The following THEMIS variants were observed in gnomAD, a reference collection of about 807,000 sequenced individuals.
THEMIS encodes the protein protein THEMIS.
In THEMIS, 37 loss-of-function variants were observed where a neutral mutation model predicts 52.6. The observed-to-expected ratio is 0.70, with a 90% CI of 0.54 to 0.93. The LOEUF (loss-of-function observed/expected upper bound fraction) is 0.93, where lower values mean the gene tolerates loss of function less well. Ranked by LOEUF, THEMIS falls within the 40% of genes least tolerant of loss-of-function variation. The pLI, the probability that THEMIS is intolerant of heterozygous loss-of-function variation, is 0.00. For missense variants in THEMIS, 808 were observed against 763.1 expected, an observed-to-expected ratio of 1.06 and a Z score of -0.69; for synonymous variants, 292 against 272.7, an observed-to-expected ratio of 1.07 and a Z score of -0.70.
chr6:127,916,228 T>A (rs1244876722), intron 1 of THEMIS, among the ~76,000 whole-genome samples: 10 of 151,574 alleles, frequency 6.6e-5, no homozygotes, highest in Non-Finnish European at 1.5e-5. Context: ...AGGGAATGAG[T>A]TAGAAATAAT....
In THEMIS at chr6:127,744,435, A is replaced by G. The variant is rs183073363; in HGVS notation, c.1759-24612T>C. Among the ~76,000 whole-genome samples the G allele has an allele frequency of 7.3e-3, 1,107 of 152,184 alleles. 3 individuals are homozygous for G. The highest frequency in any genetic ancestry group is 0.01 in the Admixed American group (158 of 15,264). On this transcript the variant is annotated intron_variant, in intron 4 of 5. Transcript: ENST00000368248. ...AGATTGGGGGACAATCCATATGTCC[A>G]TCGACAGAAGAATTAAGAAAGAAAA...
intron 4 of THEMIS, among the ~76,000 whole-genome samples, chr6:127,778,518 A>G (rs1776638207): frequency 6.6e-6 from 1 of 152,132 alleles, no homozygotes; most frequent in Admixed American, 6.5e-5. Flanking sequence ...ATGTGATTAT[A>G]GACGCCGCCT....
intron 4 of THEMIS, among the ~76,000 whole-genome samples, chr6:127,735,639 A>G (rs1774980650): frequency 6.6e-6 from 1 of 152,178 alleles, no homozygotes; most frequent in Admixed American, 6.5e-5. Context: ...CAAGAAGCCC[A>G]GGTACTACAG....
At chr6:127,702,580 C>T in the THEMIS span, among the ~76,000 whole-genome samples, 3 of 150,930 alleles carry the variant, frequency 2.0e-5, no homozygotes, top group Admixed American at 6.6e-5. Flanking sequence ...TAAGGTCTAC[C>T]ATCTCAGCAA....
In THEMIS at chr6:127,829,863, C is replaced by T. The variant is rs199738235; in HGVS notation, c.322G>A (p.Gly108Arg). The T allele has an allele frequency of 1.1e-5, 17 of 1,613,922 alleles. No homozygotes were observed. The highest frequency in any genetic ancestry group is 1.2e-5 in the Non-Finnish European group (14 of 1,179,980). The change falls in exon 3 of 6, where the codon GGA becomes AGA. Residue 108 changes from glycine (G) to arginine (R), a missense_variant. Gly to Arg is a moderately radical substitution (Grantham distance 125, BLOSUM62 -2). Coordinates refer to ENST00000368248, the MANE Select transcript of THEMIS (RefSeq NM_001010923.3). ...CAAGGATGCCCTAGTCTACTTGGTC[C>T]AATATGAATGGTCCTTGTGATTTCT... ...MEEITRTIHI[G>R]PSRLGHPCFY...
At chr6:127,747,819 C>G (rs189577994) in intron 4 of THEMIS, among the ~76,000 whole-genome samples, 17 of 152,162 alleles carry the variant, frequency 1.1e-4, no homozygotes, top group Admixed American at 1.1e-3. Flanking sequence ...ATCTTACTTT[C>G]ATTTATTATG....
chr6:127,871,988 C>A (rs2114386993), intron 1 of THEMIS, among the ~76,000 whole-genome samples: 1 of 145,300 alleles, frequency 6.9e-6, no homozygotes, highest in South Asian at 2.5e-4. Context: ...AGACAGACAG[C>A]ACACATCAAA....
At chr6:127,780,783 TTC>T (rs1776717507) in intron 4 of THEMIS, among the ~76,000 whole-genome samples, 1 of 152,222 alleles carries the variant, frequency 6.6e-6, no homozygotes, top group Non-Finnish European at 1.5e-5. Context: ...TCTGATAGGC[TTC>T]TCTTTGTGGG....
chr6:127,712,759 C>T (rs896522157), intron 5 of THEMIS, among the ~76,000 whole-genome samples: 3 of 151,776 alleles, frequency 2.0e-5, no homozygotes, highest in African/African-American at 7.3e-5. Context: ...AAATAAGTGT[C>T]CTTCAATGGT....
intron 3 of THEMIS, among the ~76,000 whole-genome samples, chr6:127,823,037 G>A (rs775348787): frequency 3.1e-4 from 47 of 152,060 alleles, no homozygotes; most frequent in Admixed American, 1.2e-3. Flanking sequence ...ATATATTAAT[G>A]TATAATTAGG....
intron 1 of THEMIS, among the ~76,000 whole-genome samples, chr6:127,910,357 T>C (rs1447083096): frequency 6.6e-6 from 1 of 152,162 alleles, no homozygotes; most frequent in Non-Finnish European, 1.5e-5. Flanking sequence ...AGGAATTACA[T>C]ATTTATCTTT....
intron 4 of THEMIS, among the ~76,000 whole-genome samples, chr6:127,741,295 A>C (rs1775194009): frequency 1.3e-5 from 2 of 152,180 alleles, no homozygotes; most frequent in Non-Finnish European, 2.9e-5. Flanking sequence ...ACCTCATTTA[A>C]AATTAAATAA....
chr6:127,904,885 T>C (rs1781229094), upstream of THEMIS, among the ~76,000 whole-genome samples: 1 of 151,994 alleles, frequency 6.6e-6, no homozygotes, highest in Non-Finnish European at 1.5e-5. Context: ...AAATGGGACA[T>C]ACAGTAAGAG....
At chr6:127,730,380 G>T (rs1292141879) in intron 4 of THEMIS, among the ~76,000 whole-genome samples, 2 of 138,604 alleles carry the variant, frequency 1.4e-5, no homozygotes, top group Admixed American at 7.4e-5. Flanking sequence ...AGAAGAGAAA[G>T]AGAAAGAAAG....
At chr6:127,713,649 A>G (rs1434936242) in intron 5 of THEMIS, among the ~76,000 whole-genome samples, 2 of 151,940 alleles carry the variant, frequency 1.3e-5, no homozygotes, top group Admixed American at 6.6e-5. Context: ...TAACCATTGA[A>G]TAAAGACCTA....
chr6:127,870,061 C>A (rs1049550186), intron 1 of THEMIS, among the ~76,000 whole-genome samples: 7 of 152,168 alleles, frequency 4.6e-5, no homozygotes, highest in Non-Finnish European at 1.0e-4. Flanking sequence ...AGTTCCCCAA[C>A]CCCTGTCAGG....
chr6:127,711,882 C>T (rs908662293), intron 5 of THEMIS, among the ~76,000 whole-genome samples: 1 of 151,938 alleles, frequency 6.6e-6, no homozygotes, highest in Admixed American at 6.6e-5. Context: ...AGTCTGATTC[C>T]TGAGTCTACA....
At chr6:127,885,820 C>T (rs1243252156) in intron 1 of THEMIS, among the ~76,000 whole-genome samples, 2 of 152,082 alleles carry the variant, frequency 1.3e-5, no homozygotes, top group Non-Finnish European at 2.9e-5. Context: ...TTGACTTTTA[C>T]AAATGTGTGT....
chr6:127,801,484 GA>G (rs1423884221), intron 4 of THEMIS, among the ~76,000 whole-genome samples: 1 of 152,156 alleles, frequency 6.6e-6, no homozygotes, highest in Non-Finnish European at 1.5e-5. Flanking sequence ...GTATTGACTG[GA>G]AAAGAATGGG....
Sources: gnomAD v4.1 joint callset for allele counts (sites outside exome capture counted in the v4.1 genomes callset) on GRCh38, gnomAD v4.1.1 for gene constraint, MANE v1.5 for transcripts, NCBI Gene and HGNC (gene_info 2026-07-23, HGNC 2026-07-21) for gene names.